Variants in PTGER4 observed in about 807,000 individuals in gnomAD.
PTGER4 encodes the protein prostaglandin E receptor 4, also known as prostaglandin E2 receptor EP4 subtype.
PTGER4 carries 11 observed loss-of-function variants against 33.2 expected under a neutral mutation model. The ratio of observed to expected loss-of-function variants is 0.33; its 90% CI spans 0.21 to 0.55. The LOEUF (loss-of-function observed/expected upper bound fraction) is 0.55. Among genes scored for constraint, PTGER4 ranks in the 20% least tolerant of loss-of-function variants. The pLI is 0.92. For missense variants in PTGER4, 481 were observed against 650.2 expected, an observed-to-expected ratio of 0.74 and a Z score of 2.83; for synonymous variants, 275 against 281.5, an observed-to-expected ratio of 0.98 and a Z score of 0.23.
At chr5:40,704,334 TC>T in the PTGER4 span, among the ~76,000 whole-genome samples, 1 of 152,032 alleles carries the variant, frequency 6.6e-6, no homozygotes, top group Non-Finnish European at 1.5e-5. Context: ...GGAACAAAGC[TC>T]AAAATAGTAA....
chr5:40,690,680 A>C (rs943070089), intron 2 of PTGER4, among the ~76,000 whole-genome samples: 17 of 152,334 alleles, frequency 1.1e-4, no homozygotes, highest in African/African-American at 4.1e-4. Context: ...TCTAGACTAG[A>C]ATAAAAGAAT....
downstream of PTGER4, among the ~76,000 whole-genome samples, chr5:40,698,344 G>A (rs1173344231): frequency 7.2e-5 from 11 of 151,922 alleles, no homozygotes. Flanking sequence ...TAATTATACT[G>A]AGAATGAAGA....
chr5:40,719,537 A>G, the PTGER4 span, among the ~76,000 whole-genome samples: 4 of 152,290 alleles, frequency 2.6e-5, no homozygotes, highest in South Asian at 8.3e-4. Flanking sequence ...TTGTGTGGAC[A>G]TATGTCTTCA....
rs781350079 is a variant in PTGER4, at chr5:40,681,640, A to G, written c.647A>G (p.Gln216Arg). The change falls in exon 2 of 3, where the codon CAG (glutamine) becomes CGG (arginine). Residue 216 changes from glutamine to arginine, a missense_variant. Physicochemically the swap from Gln to Arg is conservative, Grantham distance 43. Transcript: ENST00000302472. This position sits in a 1 kb window ranked among gnomAD's most constrained non-coding sequence, Gnocchi z 9.8. ...VCGALLRMHR[Q>R]FMRRTSLGTE... ...GGCGCGCTGCTCCGCATGCACCGCC[A>G]GTTCATGCGCCGCACCTCGCTGGGC... is the stretch of plus-strand genomic sequence containing the variant. 80 of 1,601,366 alleles carry G rather than the reference A, an allele frequency of 5.0e-5. No individual in the cohort carries two copies. The highest frequency in any genetic ancestry group is 6.6e-5 in the Non-Finnish European group (78 of 1,178,708).
At chr5:40,740,412 TACAAAGA>T in the PTGER4 span, among the ~76,000 whole-genome samples, 1 of 152,090 alleles carries the variant, frequency 6.6e-6, no homozygotes, top group Non-Finnish European at 1.5e-5. Context: ...ATTTTTATAA[TACAAAGA>T]ATTCTAAGTT....
the PTGER4 span, among the ~76,000 whole-genome samples, chr5:40,741,394 G>A: frequency 5.9e-5 from 9 of 152,244 alleles, no homozygotes; most frequent in Middle Eastern, 3.4e-3. Context: ...ATAGCTCTCC[G>A]CTCTGTATGA....
chr5:40,694,465 T>C (rs1304823292), downstream of PTGER4, among the ~76,000 whole-genome samples: 2 of 152,222 alleles, frequency 1.3e-5, no homozygotes, highest in Admixed American at 6.5e-5. Flanking sequence ...ACAACAGACA[T>C]TTATTTTCTC....
At chr5:40,740,909 G>A in the PTGER4 span, among the ~76,000 whole-genome samples, 557 of 152,168 alleles carry the variant, frequency 3.7e-3, 5 homozygotes, top group Non-Finnish European at 4.0e-3. Flanking sequence ...TTCAGATATC[G>A]TATTTTTCAT....
chr5:40,728,480 T>C, the PTGER4 span: 23 of 1,588,640 alleles, frequency 1.4e-5, no homozygotes, highest in Admixed American at 7.5e-5. Context: ...TTAGCACCTA[T>C]AGGCAAAAAA....
At chr5:40,731,986 T>C in the PTGER4 span, among the ~76,000 whole-genome samples, 1 of 152,224 alleles carries the variant, frequency 6.6e-6, no homozygotes, top group Non-Finnish European at 1.5e-5. Flanking sequence ...ATTCACTTAC[T>C]ACTCAAAGTA....
chr5:40,711,793 G>C, the PTGER4 span, among the ~76,000 whole-genome samples: 1 of 151,938 alleles, frequency 6.6e-6, no homozygotes. Context: ...CAAAAAAAAA[G>C]TCAGACACAA....
the PTGER4 span, among the ~76,000 whole-genome samples, chr5:40,718,502 C>A: frequency 1.3e-5 from 2 of 152,136 alleles, no homozygotes; most frequent in African/African-American, 2.4e-5. Context: ...ATCACTCTGG[C>A]AGGCGGAGGT....
the PTGER4 span, among the ~76,000 whole-genome samples, chr5:40,724,577 G>C: frequency 1.3e-5 from 2 of 149,648 alleles, no homozygotes; most frequent in African/African-American, 4.9e-5. Context: ...AGGTTGAAGT[G>C]AGCCGAGATC....
chr5:40,713,650 T>A, the PTGER4 span, among the ~76,000 whole-genome samples: 6 of 152,190 alleles, frequency 3.9e-5, no homozygotes, highest in Non-Finnish European at 8.8e-5. Context: ...AGGCATGGTC[T>A]GGATGTCTAG....
At chr5:40,706,348 G>A in the PTGER4 span, among the ~76,000 whole-genome samples, 3 of 152,060 alleles carry the variant, frequency 2.0e-5, no homozygotes, top group East Asian at 3.9e-4. Flanking sequence ...TGGCAGGGGG[G>A]AGAAGAGCAG....
chr5:40,743,647 C>T, the PTGER4 span, among the ~76,000 whole-genome samples: 3 of 152,086 alleles, frequency 2.0e-5, no homozygotes, highest in Non-Finnish European at 4.4e-5. Flanking sequence ...GTGGCACACA[C>T]TTGTAATCCC....
chr5:40,693,879 T>C, downstream of PTGER4: 1 of 350,906 alleles, frequency 2.8e-6, no homozygotes, highest in Non-Finnish European at 4.0e-6. Flanking sequence ...TACAAACTCT[T>C]GTATACACTT....
chr5:40,695,414 G>A (rs1214530543), downstream of PTGER4, among the ~76,000 whole-genome samples: 1 of 129,272 alleles, frequency 7.7e-6, no homozygotes, highest in African/African-American at 2.9e-5. Context: ...ATGGTGGCGG[G>A]TGCCTGTAGT....
downstream of PTGER4, among the ~76,000 whole-genome samples, chr5:40,697,182 ATT>A (rs1741618598): frequency 6.9e-6 from 1 of 145,896 alleles, no homozygotes; most frequent in Admixed American, 6.8e-5. Context: ...AGGAAGAAAA[ATT>A]AAGAAAGAAA....
Sources: allele counts gnomAD v4.1 joint callset (sites outside exome capture counted in the v4.1 genomes callset), GRCh38; gene constraint gnomAD v4.1.1; non-coding constraint Gnocchi (gnomAD v3.1); transcripts MANE v1.5; gene names NCBI Gene and HGNC (gene_info 2026-07-23, HGNC 2026-07-21).